NEK10: variants seen among roughly 807,000 people sequenced by gnomAD.
NEK10 encodes the protein serine/threonine-protein kinase Nek10.
Under a neutral mutation model 159.8 loss-of-function variants are expected in NEK10, and 122 were observed. The observed-to-expected ratio is 0.76, with a 90% CI of 0.66 to 0.89. NEK10 has a LOEUF of 0.89. Among genes scored for constraint, NEK10 ranks in the 40% least tolerant of loss-of-function variants. The probability of loss-of-function intolerance (pLI) is 0.00; values close to 1 mark genes in which losing one functional copy is unlikely to be tolerated. For missense variants in NEK10, 1,342 were observed against 1,323.1 expected (o/e 1.01, Z -0.22); for synonymous variants, 466 against 457.1 (o/e 1.02, Z -0.25).
chr3:27,219,916 C>T (rs1361182590), intron 23 of NEK10, among the ~76,000 whole-genome samples: 1 of 152,018 alleles, frequency 6.6e-6, no homozygotes, highest in African/African-American at 2.4e-5. Context: ...AATTATATTT[C>T]TATACTCTAG....
chr3:27,322,297 A>G (rs774316568), intron 5 of NEK10, 36 bp from the exon 6 acceptor site: 11 of 1,265,436 alleles, frequency 8.7e-6, no homozygotes, highest in Non-Finnish European at 1.2e-5. Flanking sequence ...GTTCACGTTT[A>G]AAATCCCAGT....
At position 27,307,892 on chromosome 3, in the gene NEK10, A is replaced by G; in HGVS notation, c.770T>C (p.Met257Thr). 1 of 1,569,824 alleles carries G rather than the reference A, an allele frequency of 6.4e-7. No homozygotes were observed. The highest frequency in any genetic ancestry group is 1.1e-5 in the South Asian group (1 of 89,934). Residue 257 changes from methionine (M) to threonine (T), a missense_variant, in exon 11 of 36, where the codon ATG (methionine) becomes ACG (threonine). Met to Thr is a moderately conservative substitution (Grantham distance 81). Transcript: ENST00000691995. ...SELNIVENLL[M>T]ILHEYDLLSK... ...AAGCAAGTCATATTCATGTAAAATC[A>G]TCAACAGATTTTCTACAATGTTGAG...
chr3:27,216,031 C>A (rs1951493882), intron 23 of NEK10: 1 of 471,034 alleles, frequency 2.1e-6, no homozygotes. Context: ...GGACAAAGAT[C>A]CAAACCATAT....
intron 31 of NEK10, among the ~76,000 whole-genome samples, chr3:27,134,812 T>C (rs989123343): frequency 1.3e-5 from 2 of 152,224 alleles, no homozygotes; most frequent in Non-Finnish European, 2.9e-5. Context: ...TGATGACTCA[T>C]GCATAGTTTA....
At chr3:27,130,967 A>G (rs952996791) in intron 32 of NEK10, among the ~76,000 whole-genome samples, 7 of 152,214 alleles carry the variant, frequency 4.6e-5, no homozygotes, top group Admixed American at 3.3e-4. Context: ...TTTTTGGTGT[A>G]TGTGCAGATA....
chr3:27,320,824 A>C lies in NEK10; in HGVS notation c.447+1353T>G, dbSNP rs540450804. Among the ~76,000 whole-genome samples, 5 of 152,210 alleles carry C rather than the reference A, an allele frequency of 3.3e-5. No individual in the cohort carries two copies. In the South Asian group the frequency reaches 1.0e-3, roughly 31 times the overall value. On this transcript the variant is annotated intron_variant, in intron 6 of 35. Coordinates refer to ENST00000691995, the MANE Select transcript of NEK10 (RefSeq NM_001394966.1). ...AAGATGTGTAGTGCCCATGAATCCC[A>C]GAAGAGTCCAATCAGAGTAGGCTCT...
At chr3:27,161,381 A>C (rs1167014556) in intron 30 of NEK10, among the ~76,000 whole-genome samples, 1 of 152,198 alleles carries the variant, frequency 6.6e-6, no homozygotes, top group African/African-American at 2.4e-5. Context: ...TAACTCATCC[A>C]AAGCAAATTT....
intron 23 of NEK10, among the ~76,000 whole-genome samples, chr3:27,210,840 T>G (rs1950944273): frequency 1.3e-5 from 2 of 152,236 alleles, no homozygotes; most frequent in Non-Finnish European, 2.9e-5. Flanking sequence ...TAACATTTTA[T>G]GAACCAGAGT....
intron 13 of NEK10, among the ~76,000 whole-genome samples, chr3:27,298,697 T>C (rs1217391619): frequency 6.6e-6 from 1 of 152,202 alleles, no homozygotes; most frequent in Non-Finnish European, 1.5e-5. Flanking sequence ...CAAATGCTGA[T>C]AATGATATGG....
intron 3 of NEK10, among the ~76,000 whole-genome samples, chr3:27,347,918 G>A (rs1219650920): frequency 6.6e-6 from 1 of 152,030 alleles, no homozygotes; most frequent in Non-Finnish European, 1.5e-5. Context: ...AATAATAATA[G>A]TATATAACTC....
chr3:27,325,082 A>G (rs1246153595), intron 5 of NEK10, among the ~76,000 whole-genome samples: 4 of 152,240 alleles, frequency 2.6e-5, no homozygotes, highest in Non-Finnish European at 5.9e-5. Context: ...GAAGTGGCCA[A>G]CACAGCACAG....
At chr3:27,169,868 C>T (rs937406782) in intron 29 of NEK10, among the ~76,000 whole-genome samples, 1 of 152,154 alleles carries the variant, frequency 6.6e-6, no homozygotes, top group Non-Finnish European at 1.5e-5. Flanking sequence ...GGAACCTGAT[C>T]CCAGCCAGGC....
intron 23 of NEK10, chr3:27,206,786 A>G (rs1220476932): frequency 1.5e-5 from 3 of 205,936 alleles, no homozygotes; most frequent in East Asian, 3.7e-4. Flanking sequence ...CCAAGTCAAC[A>G]ATGTTTATTT....
chr3:27,186,983 G>T (rs866528740), intron 26 of NEK10, among the ~76,000 whole-genome samples: 3 of 152,114 alleles, frequency 2.0e-5, no homozygotes, highest in Non-Finnish European at 1.5e-5. Flanking sequence ...AGAGTAGGCT[G>T]CTTAAACTAA....
At chr3:27,292,767 CAAA>C (rs35773318) in intron 16 of NEK10, among the ~76,000 whole-genome samples, 22 of 88,374 alleles carry the variant, frequency 2.5e-4, no homozygotes, top group Admixed American at 6.5e-4. Flanking sequence ...GAGCCTTTGT[CAAA>C]AAAAAAAAAA....
chr3:27,211,191 C>T (rs1467748623), intron 23 of NEK10, among the ~76,000 whole-genome samples: 3 of 152,196 alleles, frequency 2.0e-5, no homozygotes, highest in African/African-American at 7.2e-5. Flanking sequence ...CAATTGATTT[C>T]AGATCATTTC....
rs757802269 is a variant in NEK10 at position 27,317,912 on chromosome 3, T to C, written c.448-3574A>G. ...CCGCCTCCCGGGTTCACGCCATTCT[T>C]CTGCCTCAGCCTCCCCAGTGGCTGG... On this transcript the variant is annotated intron_variant, in intron 6 of 35. Transcript: ENST00000691995. Among the ~76,000 whole-genome samples, 14 of 152,216 alleles carry C rather than the reference T, an allele frequency of 9.2e-5. No homozygotes were observed. The East Asian group carries it at 9.7e-4, about 10-fold the overall frequency.
chr3:27,278,214 G>A (rs1005010638), intron 22 of NEK10, among the ~76,000 whole-genome samples: 2 of 152,160 alleles, frequency 1.3e-5, no homozygotes, highest in South Asian at 2.1e-4. Context: ...AAGCTGTTGA[G>A]AATTTCAGGT....
At chr3:27,253,468 C>A (rs2149310654) in intron 23 of NEK10, among the ~76,000 whole-genome samples, 1 of 152,234 alleles carries the variant, frequency 6.6e-6, no homozygotes, top group Non-Finnish European at 1.5e-5. Flanking sequence ...CAAATACCTG[C>A]CTAATAATAA....
Sources: gnomAD v4.1 joint callset for allele counts (sites outside exome capture counted in the v4.1 genomes callset) on GRCh38, gnomAD v4.1.1 for gene constraint, MANE v1.5 for transcripts, NCBI Gene and HGNC (gene_info 2026-07-23, HGNC 2026-07-21) for gene names.